FAS: variants seen among roughly 807,000 people sequenced by gnomAD.
The protein encoded by FAS is Fas cell surface death receptor.
In FAS, 5 loss-of-function variants were observed where a neutral mutation model predicts 33.2. The ratio of observed to expected loss-of-function variants is 0.15; its 90% CI spans 0.08 to 0.32. The LOEUF is 0.32. Among genes scored for constraint, FAS ranks in the 10% least tolerant of loss-of-function variants. FAS has a pLI of 1.00. For missense variants in FAS, 339 were observed against 386.0 expected (o/e 0.88, Z 1.02); for synonymous variants, 131 against 130.7 (o/e 1.00, Z -0.01).
intron 2 of FAS, among the ~76,000 whole-genome samples, chr10:88,979,958 G>A (rs924987611): frequency 1.3e-5 from 2 of 152,198 alleles, no homozygotes; most frequent in African/African-American, 4.8e-5. Context: ...GAGCTTCCAA[G>A]CTATTTATGG....
chr10:89,005,726 C>A (rs1318775937), intron 2 of FAS, among the ~76,000 whole-genome samples: 1 of 152,128 alleles, frequency 6.6e-6, no homozygotes, highest in Non-Finnish European at 1.5e-5. Context: ...CAACCTCTGC[C>A]TTCTGGGTTC....
chr10:88,970,390 T>C (rs780073810), intron 1 of FAS, among the ~76,000 whole-genome samples: 2 of 152,158 alleles, frequency 1.3e-5, no homozygotes, highest in Middle Eastern at 3.2e-3. Flanking sequence ...TGTGCCCTTT[T>C]CTGACTTCCA....
chr10:88,979,275 AAAT>A (rs1311532088), intron 2 of FAS, among the ~76,000 whole-genome samples: 3 of 152,070 alleles, frequency 2.0e-5, no homozygotes, highest in Non-Finnish European at 4.4e-5. Flanking sequence ...AGAAAAAAAA[AAAT>A]GAGGTCAGCG....
intron 4 of FAS, 134 bp downstream of exon 4, chr10:89,009,131 T>C (rs1490752697): frequency 1.1e-6 from 1 of 885,488 alleles, no homozygotes; most frequent in East Asian, 2.4e-5. Context: ...ACTAGATGAC[T>C]GTTTGCTCAT....
At chr10:88,973,805 G>A (rs1846501732) in intron 2 of FAS, 1 of 151,806 alleles carries the variant, frequency 6.6e-6, no homozygotes, top group South Asian at 2.1e-4. Context: ...TCTATGTCTT[G>A]TGTGTTTTTG....
intron 1 of FAS, among the ~76,000 whole-genome samples, chr10:88,970,636 G>A (rs1364106166): frequency 6.6e-6 from 1 of 152,118 alleles, no homozygotes; most frequent in Non-Finnish European, 1.5e-5. Flanking sequence ...CCTTACAATA[G>A]TTTGCTGAGA....
Position 89,010,544 on chromosome 10 carries a change from A to G in FAS, c.449A>G (p.Glu150Gly), listed in dbSNP as rs750240678. Residue 150 changes from glutamate (E) to glycine (G), a missense_variant, in exon 5 of 9, where the codon GAA (glutamate) becomes GGA (glycine). By Grantham distance (98) the Glu-to-Gly change is moderately conservative. Around this residue, in one of 3 missense-constraint regions of FAS, gnomAD observed 276 missense variants for 300.1 expected, o/e 0.92. Transcript: ENST00000652046. ...CEHCDPCTKC[E>G]HGIIKECTLT... Reference sequence around the variant, plus strand: ...TCCTGTATTTTTTTTTCTAGATGTGAACATGGAATCATCAAGGAATGCACA... The same window carrying G: ...TCCTGTATTTTTTTTTCTAGATGTGGACATGGAATCATCAAGGAATGCACA... 6 of 1,613,384 alleles carry G rather than the reference A, an allele frequency of 3.7e-6. No homozygotes were observed. The highest frequency in any genetic ancestry group is 5.1e-6 in the Non-Finnish European group (6 of 1,179,598).
intron 2 of FAS, among the ~76,000 whole-genome samples, chr10:89,005,521 T>C (rs772455508): frequency 9.2e-5 from 14 of 151,996 alleles, no homozygotes; most frequent in Non-Finnish European, 1.6e-4. Context: ...TATATATATA[T>C]ACACACCTGT....
chr10:89,012,218 C>A, intron 7 of FAS, 137 bp downstream of exon 7: 1 of 767,178 alleles, frequency 1.3e-6, no homozygotes, highest in South Asian at 1.5e-5. Flanking sequence ...TGCTCCATAG[C>A]CCAGGCTGGA....
Position 88,995,462 on chromosome 10 carries a change from A to G in FAS, c.30+4556A>G, listed in dbSNP as rs541909034. On this transcript the variant is annotated intron_variant, in intron 1 of 8. Transcript: ENST00000652046. Reference sequence around the variant, plus strand: ...CATCTTTAGACATTTAGAAATGGCAATCATAGTTATATAGGACAACTAGCC... The same window carrying G: ...CATCTTTAGACATTTAGAAATGGCAGTCATAGTTATATAGGACAACTAGCC... 4.6e-5 allele frequency among the ~76,000 whole-genome samples: 7 copies of G among 152,338 alleles called. No individual in the cohort carries two copies. In the East Asian group the frequency reaches 1.2e-3, roughly 25 times the overall value.
rs759152311 is a variant in FAS at position 89,003,159 on chromosome 10, A to G, written c.161A>G (p.His54Arg). ...ACTCAGAACTTGGAAGGCCTGCATC[A>G]TGATGGCCAATTCTGCCATAAGCCC... ...VETQNLEGLHHDGQFCHKPCP... is the reference protein window; with the variant it reads ...VETQNLEGLHRDGQFCHKPCP... The change falls in exon 2 of 9, where the codon CAT becomes CGT. Residue 54 changes from histidine (H) to arginine (R), a missense_variant. This residue lies in a region of FAS where 276 missense variants were observed against 300.1 expected (regional missense o/e 0.92). Transcript: ENST00000652046. 4 of 1,614,188 alleles carry G rather than the reference A, an allele frequency of 2.5e-6. No individual in the cohort carries two copies. The highest frequency in any genetic ancestry group is 2.2e-5 in the South Asian group (2 of 91,086).
intron 1 of FAS, among the ~76,000 whole-genome samples, chr10:88,969,389 C>T: frequency 6.6e-6 from 1 of 152,220 alleles, no homozygotes; most frequent in East Asian, 1.9e-4. Flanking sequence ...GCTTGTAAGG[C>T]TGAATGGTCA....
upstream of FAS, chr10:88,990,509 C>T (rs945084483): frequency 1.4e-4 from 81 of 589,760 alleles, no homozygotes; most frequent in Admixed American, 1.7e-3. This position sits in a 1 kb window ranked among gnomAD's most constrained non-coding sequence, Gnocchi z 4.9. Flanking sequence ...TGACTCCTTC[C>T]TCACCCTGAC....
At chr10:89,008,834 A>G in intron 3 of FAS, 55 bp from the exon 4 acceptor site, 1 of 1,535,848 alleles carries the variant, frequency 6.5e-7, no homozygotes, top group Non-Finnish European at 9.0e-7. Flanking sequence ...CACCATTTTC[A>G]TAGTCTGCTT....
intron 1 of FAS, among the ~76,000 whole-genome samples, chr10:88,966,768 G>A (rs934919968): frequency 1.3e-5 from 2 of 151,896 alleles, no homozygotes; most frequent in South Asian, 2.1e-4. Flanking sequence ...GGTCAAAGAC[G>A]TAACCTGCTC....
chr10:88,977,112 T>C (rs1012826295), intron 2 of FAS, among the ~76,000 whole-genome samples: 4 of 152,124 alleles, frequency 2.6e-5, no homozygotes, highest in Non-Finnish European at 5.9e-5. Flanking sequence ...ATTTTGTAGG[T>C]TGCCTGTTCA....
chr10:89,007,249 A>G (rs1282119186), intron 2 of FAS, among the ~76,000 whole-genome samples: 2 of 152,346 alleles, frequency 1.3e-5, no homozygotes, highest in East Asian at 3.9e-4. Flanking sequence ...ACTGTTTCTT[A>G]TCAGGATTTG....
chr10:88,991,316 C>T, intron 1 of FAS: 1 of 358,706 alleles, frequency 2.8e-6, no homozygotes, highest in East Asian at 5.4e-5. Context: ...CCTGGACAAG[C>T]CCTGACAAGC....
At chr10:89,011,613 G>C (rs1260847377) in intron 6 of FAS, among the ~76,000 whole-genome samples, 1 of 152,196 alleles carries the variant, frequency 6.6e-6, no homozygotes, top group Admixed American at 6.5e-5. Flanking sequence ...TGAGTTATTT[G>C]TGTGTGTATT....
Sources: allele counts gnomAD v4.1 joint callset (sites outside exome capture counted in the v4.1 genomes callset), GRCh38; gene constraint gnomAD v4.1.1; regional missense constraint gnomAD v4.1.1; non-coding constraint Gnocchi (gnomAD v3.1); transcripts MANE v1.5; gene names NCBI Gene and HGNC (gene_info 2026-07-23, HGNC 2026-07-21).